The following ANKHD1 variants were observed in gnomAD, a reference collection of about 807,000 sequenced individuals.
The protein encoded by ANKHD1 is ankyrin repeat and KH domain containing 1, also known as ankyrin repeat and KH domain-containing protein 1.
In ANKHD1, 31 loss-of-function variants were observed where a neutral mutation model predicts 230.5. The observed-to-expected ratio is 0.13, with a 90% CI of 0.10 to 0.18. The LOEUF (loss-of-function observed/expected upper bound fraction) is 0.18, where lower values mean the gene tolerates loss of function less well. Among genes scored for constraint, ANKHD1 ranks in the 10% least tolerant of loss-of-function variants. The probability of loss-of-function intolerance (pLI) is 1.00; values close to 1 mark genes in which losing one functional copy is unlikely to be tolerated. For synonymous variants in ANKHD1, 1,074 were observed against 1,117.6 expected, an observed-to-expected ratio of 0.96 and a Z score of 0.78; for missense variants, 2,256 against 3,071.3, an observed-to-expected ratio of 0.73 and a Z score of 6.27.
intron 14 of ANKHD1, among the ~76,000 whole-genome samples, chr5:140,490,588 C>G (rs1751729489): frequency 6.6e-6 from 1 of 152,124 alleles, no homozygotes; most frequent in African/African-American, 2.4e-5. Flanking sequence ...ACTTTATTAC[C>G]TGCAGTTACA....
chr5:140,512,008 G>A (rs1027754794), intron 22 of ANKHD1, among the ~76,000 whole-genome samples: 1 of 152,140 alleles, frequency 6.6e-6, no homozygotes, highest in African/African-American at 2.4e-5. Flanking sequence ...GGCCGAGTCA[G>A]GTGGATCACC....
Position 140,485,894 on chromosome 5 carries a change from G to A in ANKHD1, c.2142+162G>A. Reference sequence around the variant, plus strand: ...TCTTTAGGATTTATTTTCTTTAAAGGTACACTGAAATTTGTTATTGCCTTA... The same window carrying A: ...TCTTTAGGATTTATTTTCTTTAAAGATACACTGAAATTTGTTATTGCCTTA... On this transcript the variant is annotated intron_variant, in intron 13 of 33. Transcript: ENST00000360839. This position sits in a 1 kb window ranked among gnomAD's most constrained non-coding sequence, Gnocchi z 4.8. 2 of 1,135,380 alleles carry A rather than the reference G, an allele frequency of 1.8e-6. No homozygotes were observed. Among genetic ancestry groups the A allele is most frequent in the African/African-American group, 3.2e-5 (2 of 63,030 alleles). 70.3% of individuals were successfully genotyped at this position (1,135,380 alleles called of 1,614,324 possible).
chr5:140,402,295 C>G, intron 1 of ANKHD1, 22 bp downstream of exon 1: 1 of 1,452,864 alleles, frequency 6.9e-7, no homozygotes, highest in Non-Finnish European at 9.0e-7. Context: ...GGACCCTCGC[C>G]TCCCACACAT....
At chr5:140,484,682 A>T in intron 11 of ANKHD1, 1 of 152,904 alleles carries the variant, frequency 6.5e-6, no homozygotes, top group East Asian at 1.9e-4. Flanking sequence ...TTAGTCTTCT[A>T]GATTTTCCAT....
intron 14 of ANKHD1, among the ~76,000 whole-genome samples, chr5:140,490,451 C>A (rs925619451): frequency 6.6e-6 from 1 of 152,136 alleles, no homozygotes; most frequent in Non-Finnish European, 1.5e-5. Context: ...ATTTAGGCAA[C>A]TTGATCTCAC....
intron 7 of ANKHD1, among the ~76,000 whole-genome samples, chr5:140,452,397 G>C (rs571463460): frequency 6.6e-6 from 1 of 152,180 alleles, no homozygotes; most frequent in Non-Finnish European, 1.5e-5. Context: ...CGGAGTTTGA[G>C]ATCTGAGAAT....
Position 140,402,270 on chromosome 5 carries a change from C to T in ANKHD1, c.303C>T (p.Ser101=). The change falls in exon 1 of 34, where the codon TCC becomes TCT. Residue 101 remains serine, a synonymous_variant. Transcript: ENST00000360839. ...GASGSDEDEV[S]EVESFILDQE... The stretch of plus-strand genomic sequence containing the variant: ...CTGGCAGTGACGAGGACGAAGTGTC[C>T]GAGGTAAGGCTCCGGGACCCTCGCC... The T allele has an allele frequency of 6.7e-7, 1 of 1,485,426 alleles. No homozygotes were observed. Among genetic ancestry groups the T allele is most frequent in the Non-Finnish European group, 8.9e-7 (1 of 1,124,172 alleles). 92.0% of individuals were successfully genotyped at this position (1,485,426 alleles called of 1,614,324 possible).
chr5:140,442,435 G>A (rs1336445597), intron 5 of ANKHD1, among the ~76,000 whole-genome samples: 1 of 152,030 alleles, frequency 6.6e-6, no homozygotes, highest in East Asian at 1.9e-4. Flanking sequence ...GGGAGGAGGG[G>A]ATGTTTTCGG....
intron 24 of ANKHD1, 54 bp from the exon 25 acceptor site, chr5:140,524,012 T>C (rs1753486780): frequency 4.6e-6 from 7 of 1,512,534 alleles, no homozygotes; most frequent in Non-Finnish European, 6.1e-6. Context: ...CATTTCATTC[T>C]TTATTTTACA....
intron 1 of ANKHD1, among the ~76,000 whole-genome samples, chr5:140,405,401 G>A (rs1191456618): frequency 2.6e-5 from 4 of 152,128 alleles, no homozygotes; most frequent in Non-Finnish European, 5.9e-5. Context: ...TTTATAGTAT[G>A]TGTGGTAGAG....
At chr5:140,416,056 C>G (rs1042249897) in intron 1 of ANKHD1, among the ~76,000 whole-genome samples, 13 of 152,102 alleles carry the variant, frequency 8.5e-5, no homozygotes, top group Admixed American at 5.2e-4. Context: ...TCTGTCCTTG[C>G]AATAGTTTGC....
chr5:140,514,095 G>A lies in ANKHD1; in HGVS notation c.4317+616G>A, dbSNP rs531333720. On this transcript the variant is annotated intron_variant, in intron 24 of 33. Transcript: ENST00000360839. The stretch of plus-strand genomic sequence containing the variant: ...AGCTATTCAGGAGGCTGAAGTGGAA[G>A]GATCACTTGAGTCCAGGAGTTCGAG... Among the ~76,000 whole-genome samples the A allele has an allele frequency of 2.6e-5, 4 of 151,008 alleles. No homozygotes were observed. The East Asian group carries it at 7.8e-4, about 30-fold the overall frequency.
rs1187156953 is a variant in ANKHD1, at chr5:140,503,431, A to ACTACT, written c.3005-1388_3005-1384dup. 2.6e-5 allele frequency among the ~76,000 whole-genome samples: 4 copies of ACTACT among 152,070 alleles called. No homozygotes were observed. The East Asian group carries it at 7.7e-4, about 29-fold the overall frequency. On this transcript the variant is annotated intron_variant, in intron 15 of 33. Transcript: ENST00000360839. ...ATGCTTTATATACAGTATCTCTTAG[A>ACTACT]CTACTCACAACATCCCTGAGATAGG...
chr5:140,464,785 T>G lies in ANKHD1; in HGVS notation c.1782+9T>G, dbSNP rs758926548. On this transcript the variant is annotated intron_variant, in intron 10 of 33. Transcript: ENST00000360839. ...AAGCAGGGGCTGATTTAGTAAGATA[T>G]TTTTAATTTCAAATATTTTTGCGTT... is the stretch of plus-strand genomic sequence containing the variant. 1.3e-6 allele frequency: 2 copies of G among 1,584,880 alleles called. No homozygotes were observed. Among genetic ancestry groups the G allele is most frequent in the Non-Finnish European group, 1.7e-6 (2 of 1,163,398 alleles).
intron 1 of ANKHD1, among the ~76,000 whole-genome samples, chr5:140,419,776 TTCTTTCTTTCTTTC>T: frequency 7.2e-5 from 1 of 13,844 alleles, no homozygotes; most frequent in Non-Finnish European, 1.6e-4. Context: ...TCCTTTCTTT[TTCTTTCTTTCTTTC>T]TTTCTTTCTT....
In ANKHD1 at chr5:140,496,964, C is replaced by T; in HGVS notation, c.2690C>T (p.Pro897Leu). ...CCAGAGGATCACTTTTCAGAGTTACCTCAGGTTGACACAATCTTATTTAAA... is the reference window on the plus strand; with the variant it reads ...CCAGAGGATCACTTTTCAGAGTTACTTCAGGTTGACACAATCTTATTTAAA... ...SLPEDHFSEL[P>L]QVDTILFKDN... Residue 897 changes from proline to leucine, a missense_variant, in exon 15 of 34, where the codon CCT (proline) becomes CTT (leucine). This residue lies in a region of ANKHD1 where 358 missense variants were observed against 397.7 expected (regional missense o/e 0.90). Coordinates refer to ENST00000360839, the MANE Select transcript of ANKHD1 (RefSeq NM_017747.3). The T allele has an allele frequency of 1.9e-6, 3 of 1,614,120 alleles. No individual in the cohort carries two copies. The highest frequency in any genetic ancestry group is 2.5e-6 in the Non-Finnish European group (3 of 1,180,028).
At chr5:140,500,665 A>AAAAAAAAAAAAAAAAAAG (rs748025095) in intron 15 of ANKHD1, among the ~76,000 whole-genome samples, 10 of 115,494 alleles carry the variant, frequency 8.7e-5, no homozygotes, top group Non-Finnish European at 1.2e-4. Context: ...AAAAAAAAAA[A>AAAAAAAAAAAAAAAAAAG]AAAAGAAAAG....
rs1307710773 is a variant in ANKHD1 at position 140,526,172 on chromosome 5, G to T, written c.4669G>T (p.Ala1557Ser). The change falls in exon 26 of 34, where the codon GCA becomes TCA. Residue 1557 changes from alanine to serine, a missense_variant. Ala to Ser is a moderately conservative substitution (Grantham distance 99, BLOSUM62 1). Coordinates refer to ENST00000360839, the MANE Select transcript of ANKHD1 (RefSeq NM_017747.3). ...CAAAACAAAAGAAACCCCTCCTACA[G>T]CACATTTAATTTTACCAGAACAACA... ...KNKTKETPPTAHLILPEQHMS... is the reference protein window; with the variant it reads ...KNKTKETPPTSHLILPEQHMS... 1.9e-6 allele frequency: 3 copies of T among 1,613,604 alleles called. No individual in the cohort carries two copies. Among genetic ancestry groups the T allele is most frequent in the Admixed American group, 1.7e-5 (1 of 59,852 alleles).
intron 1 of ANKHD1, among the ~76,000 whole-genome samples, chr5:140,429,143 A>G (rs1466545584): frequency 1.4e-5 from 2 of 141,164 alleles, no homozygotes; most frequent in African/African-American, 5.3e-5. Context: ...GTCCAGGCTG[A>G]AGTGCAGTGG....
Sources: allele counts gnomAD v4.1 joint callset (sites outside exome capture counted in the v4.1 genomes callset), GRCh38; gene constraint gnomAD v4.1.1; regional missense constraint gnomAD v4.1.1; non-coding constraint Gnocchi (gnomAD v3.1); transcripts MANE v1.5; gene names NCBI Gene and HGNC (gene_info 2026-07-23, HGNC 2026-07-21).